SEL1L2: variants seen among roughly 807,000 people sequenced by gnomAD.
SEL1L2 encodes the protein SEL1L2 adaptor subunit of SYVN1 ubiquitin ligase, also known as protein sel-1 homolog 2.
In SEL1L2, 89 loss-of-function variants were observed where a neutral mutation model predicts 98.8. The ratio of observed to expected loss-of-function variants is 0.90; its 90% confidence interval spans 0.76 to 1.07. The LOEUF is 1.07. Ranked by LOEUF, SEL1L2 falls within the 50% of genes least tolerant of loss-of-function variation. SEL1L2 has a pLI of 0.00. For missense variants in SEL1L2, 788 were observed against 812.0 expected, an observed-to-expected ratio of 0.97 and a Z score of 0.36; for synonymous variants, 262 against 278.5, an observed-to-expected ratio of 0.94 and a Z score of 0.59.
At chr20:13,993,805 G>A (rs1435886648), upstream of SEL1L2, among the ~76,000 whole-genome samples, 1 of 152,078 alleles carries the variant, frequency 6.6e-6, no homozygotes, top group African/African-American at 2.4e-5. Context: ...CCTATGAAAT[G>A]TTTTTCTTTT....
intron 1 of SEL1L2, among the ~76,000 whole-genome samples, chr20:13,970,353 G>C (rs1165438158): frequency 1.3e-5 from 2 of 152,192 alleles, no homozygotes; most frequent in Non-Finnish European, 2.9e-5. Context: ...AAACAATACT[G>C]TAAGGGATAA....
chr20:13,860,464 G>A (rs1989928002), intron 17 of SEL1L2, among the ~76,000 whole-genome samples: 1 of 152,136 alleles, frequency 6.6e-6, no homozygotes, highest in Non-Finnish European at 1.5e-5. Flanking sequence ...CGACGTCTGA[G>A]CAGCACTGGA....
intron 4 of SEL1L2, among the ~76,000 whole-genome samples, chr20:13,914,235 C>G (rs917287796): frequency 6.6e-6 from 1 of 152,152 alleles, no homozygotes; most frequent in African/African-American, 2.4e-5. Flanking sequence ...ATCTTATACA[C>G]TGAGTAAGCT....
At chr20:13,863,989 A>G (rs976419358) in intron 17 of SEL1L2, among the ~76,000 whole-genome samples, 13 of 151,620 alleles carry the variant, frequency 8.6e-5, no homozygotes, top group Admixed American at 2.6e-4. Context: ...AAAAAGAAAA[A>G]GATAAAGAAA....
chr20:13,983,295 T>C (rs1038447549), intron 1 of SEL1L2, among the ~76,000 whole-genome samples: 13 of 151,786 alleles, frequency 8.6e-5, no homozygotes, highest in African/African-American at 3.1e-4. Flanking sequence ...TCAATAATTT[T>C]ATATAGGCAA....
At chr20:13,849,650 C>T (rs751268117) in intron 19 of SEL1L2, 46 bp from the exon 20 acceptor site, 2 of 1,600,926 alleles carry the variant, frequency 1.2e-6, no homozygotes, top group Admixed American at 1.7e-5. Flanking sequence ...AGCTTCCCAC[C>T]TCCACTCAGA....
intron 1 of SEL1L2, among the ~76,000 whole-genome samples, chr20:13,977,444 T>C (rs969384894): frequency 6.6e-6 from 1 of 152,180 alleles, no homozygotes; most frequent in Non-Finnish European, 1.5e-5. Context: ...TGGTAATCAA[T>C]GAGCTGTTGG....
intron 3 of SEL1L2, among the ~76,000 whole-genome samples, chr20:13,931,156 G>T (rs1326772786): frequency 6.6e-6 from 1 of 151,452 alleles, no homozygotes; most frequent in African/African-American, 2.4e-5. Flanking sequence ...CCATCCTCCT[G>T]CCTCAGCCTC....
At chr20:13,895,447 T>TAAA (rs74581623) in intron 5 of SEL1L2, among the ~76,000 whole-genome samples, 3 of 93,046 alleles carry the variant, frequency 3.2e-5, no homozygotes, top group African/African-American at 4.2e-5. Flanking sequence ...GATCTTGTCC[T>TAAA]AAAAAAAAAA....
intron 1 of SEL1L2, among the ~76,000 whole-genome samples, chr20:13,958,560 A>G (rs2050643645): frequency 1.3e-5 from 2 of 152,174 alleles, no homozygotes; most frequent in African/African-American, 4.8e-5. Flanking sequence ...GTCGTAAAGC[A>G]GCAAAGACAA....
intron 10 of SEL1L2, among the ~76,000 whole-genome samples, chr20:13,881,359 T>C (rs1210815114): frequency 3.3e-5 from 5 of 152,182 alleles, no homozygotes; most frequent in Non-Finnish European, 1.5e-5. Context: ...TGAGAAAAGA[T>C]GGTATTAGCT....
chr20:13,984,247 G>C (rs376853962), intron 1 of SEL1L2, among the ~76,000 whole-genome samples: 2 of 151,444 alleles, frequency 1.3e-5, no homozygotes, highest in East Asian at 2.0e-4. Context: ...CCTGACCTCA[G>C]GTGATCTGCC....
intron 5 of SEL1L2, among the ~76,000 whole-genome samples, chr20:13,896,828 A>G (rs2047447659): frequency 6.6e-6 from 1 of 152,206 alleles, no homozygotes; most frequent in Non-Finnish European, 1.5e-5. Flanking sequence ...AAATCCTCAT[A>G]CTACTCAAAA....
chr20:13,905,309 CTTTT>C (rs34326096), intron 5 of SEL1L2, among the ~76,000 whole-genome samples: 1,699 of 132,916 alleles, frequency 0.013, 30 homozygotes, highest in African/African-American at 0.044. Flanking sequence ...TGTCCTATAA[CTTTT>C]TTTTTTTTTT....
rs1020343166 is a variant in SEL1L2 at position 13,901,851 on chromosome 20, C to T, written c.549+11931G>A. ...TAATTTTTTGTATTTTTAGTAGAGA[C>T]GGGGTTTCACCATGTTGGCCAGGCT... On this transcript the variant is annotated intron_variant, in intron 5 of 19. Coordinates refer to ENST00000284951, the MANE Select transcript of SEL1L2 (RefSeq NM_025229.2). 6.6e-5 allele frequency among the ~76,000 whole-genome samples: 10 copies of T among 151,916 alleles called. No homozygotes were observed. In the South Asian group the frequency reaches 1.9e-3, roughly 29 times the overall value.
chr20:13,893,567 A>G lies in SEL1L2; in HGVS notation c.550-5055T>C, dbSNP rs577003926. Among the ~76,000 whole-genome samples, 6 of 152,362 alleles carry G rather than the reference A, an allele frequency of 3.9e-5. No homozygotes were observed. The South Asian group carries it at 1.2e-3, about 32-fold the overall frequency. On this transcript the variant is annotated intron_variant, in intron 5 of 19. Coordinates refer to ENST00000284951, the MANE Select transcript of SEL1L2 (RefSeq NM_025229.2). ...AAGAAATAGAAAGTAACGCAACAGT[A>G]GGAGATTTCAATACCCCACATTCAA...
At chr20:13,857,557 G>A (rs1989365048) in intron 18 of SEL1L2, among the ~76,000 whole-genome samples, 1 of 152,210 alleles carries the variant, frequency 6.6e-6, no homozygotes, top group African/African-American at 2.4e-5. Flanking sequence ...CAGGGACTCA[G>A]GCAAAATGGC....
chr20:13,849,733 G>C, intron 19 of SEL1L2, 129 bp from the exon 20 acceptor site: 1 of 1,124,206 alleles, frequency 8.9e-7, no homozygotes, highest in Non-Finnish European at 1.3e-6. Context: ...TTCAGTCTTG[G>C]AAGACACAAT....
intron 2 of SEL1L2, among the ~76,000 whole-genome samples, chr20:13,940,862 TGCACTCCA>T (rs1468408029): frequency 6.6e-6 from 1 of 151,972 alleles, no homozygotes; most frequent in Non-Finnish European, 1.5e-5. Flanking sequence ...ATCTCACCAC[TGCACTCCA>T]GCCTGGGTGA....
Sources: gnomAD v4.1 joint callset for allele counts (sites outside exome capture counted in the v4.1 genomes callset) on GRCh38, gnomAD v4.1.1 for gene constraint, MANE v1.5 for transcripts, NCBI Gene and HGNC (gene_info 2026-07-23, HGNC 2026-07-21) for gene names.